Variants in COMMD6 observed in about 807,000 individuals in gnomAD.
COMMD6 encodes the protein COMM domain-containing protein 6.
A neutral mutation model predicts 13.4 loss-of-function variants in COMMD6; 11 were observed. The ratio of observed to expected loss-of-function variants is 0.82; its 90% CI spans 0.52 to 1.36. The LOEUF (loss-of-function observed/expected upper bound fraction) is 1.36. Ranked by LOEUF, COMMD6 falls within the 40% of genes most tolerant of loss-of-function variation. The probability of loss-of-function intolerance (pLI) is 0.00; values close to 1 mark genes in which losing one functional copy is unlikely to be tolerated. For synonymous variants in COMMD6, 43 were observed against 36.5 expected, an observed-to-expected ratio of 1.18 and a Z score of -0.64; for missense variants, 124 against 102.4, an observed-to-expected ratio of 1.21 and a Z score of -0.91.
intron 1 of COMMD6, among the ~76,000 whole-genome samples, chr13:75,544,707 G>A (rs2030876224): frequency 6.6e-6 from 1 of 152,078 alleles, no homozygotes; most frequent in South Asian, 2.1e-4. Flanking sequence ...AGGTTGCAGT[G>A]AGCAGAGATC....
At chr13:75,537,165 T>G (rs545765161) in intron 2 of COMMD6, among the ~76,000 whole-genome samples, 1 of 152,236 alleles carries the variant, frequency 6.6e-6, no homozygotes, top group Admixed American at 6.5e-5. Flanking sequence ...TGCCTACAAA[T>G]AGTTTATTGG....
intron 2 of COMMD6, among the ~76,000 whole-genome samples, chr13:75,534,928 A>T (rs2030610725): frequency 1.3e-5 from 2 of 152,218 alleles, no homozygotes; most frequent in Admixed American, 1.3e-4. Context: ...ATATTCTAGG[A>T]ATTAGGGATG....
At position 75,529,133 on chromosome 13, in the gene COMMD6, C is replaced by G. The variant is rs57950752; in HGVS notation, c.207+981G>C. 6.0e-3 allele frequency among the ~76,000 whole-genome samples: 911 copies of G among 152,226 alleles called. 7 individuals carry two copies. Among genetic ancestry groups the G allele is most frequent in the African/African-American group, 0.02 (850 of 41,520 alleles). ...CTAGTGTAAGTGCTAAGAATAGATTCCTACCTATTCATACCAAAAGGAACA... is the reference window on the plus strand; with the variant it reads ...CTAGTGTAAGTGCTAAGAATAGATTGCTACCTATTCATACCAAAAGGAACA... On this transcript the variant is annotated intron_variant, in intron 3 of 3. Transcript: ENST00000682242.
At chr13:75,549,182 G>A (rs149834078) in intron 1 of COMMD6, 1 of 152,950 alleles carries the variant, frequency 6.5e-6, no homozygotes, top group Non-Finnish European at 1.5e-5. Flanking sequence ...TCAACTTTGT[G>A]TCAATACTTA....
At chr13:75,533,227 C>T (rs999359458) in intron 2 of COMMD6, among the ~76,000 whole-genome samples, 1 of 151,782 alleles carries the variant, frequency 6.6e-6, no homozygotes, top group Non-Finnish European at 1.5e-5. Context: ...CCATCGCACC[C>T]GGCCGAAAGT....
At chr13:75,540,337 CA>C (rs1566201687), upstream of COMMD6, among the ~76,000 whole-genome samples, 163 of 98,918 alleles carry the variant, frequency 1.6e-3, no homozygotes, top group African/African-American at 6.6e-3. Context: ...CACACACACA[CA>C]CACACCCACA....
In COMMD6 at chr13:75,537,837, G is replaced by C. The variant is rs1256389136; in HGVS notation, c.-32C>G. Reference sequence around the variant, plus strand: ...CGTCTGGGACTTGCGGCCCGGACTCGAGAGAACGCCCCCAGACCAGCGCTT... The same window carrying C: ...CGTCTGGGACTTGCGGCCCGGACTCCAGAGAACGCCCCCAGACCAGCGCTT... On this transcript the variant is annotated 5_prime_UTR_variant, in exon 1 of 4. Transcript: ENST00000682242. 7 of 1,573,576 alleles carry C rather than the reference G, an allele frequency of 4.4e-6. No homozygotes were observed. Among genetic ancestry groups the C allele is most frequent in the East Asian group, 2.3e-5 (1 of 44,432 alleles).
intron 2 of COMMD6, among the ~76,000 whole-genome samples, chr13:75,531,521 G>GT (rs397694570): frequency 1.3e-5 from 2 of 148,516 alleles, no homozygotes; most frequent in Non-Finnish European, 3.0e-5. Flanking sequence ...TCTTTTATAA[G>GT]AAGATTGAAT....
At chr13:75,548,648 G>T (rs1024924759) in intron 1 of COMMD6, among the ~76,000 whole-genome samples, 5 of 152,028 alleles carry the variant, frequency 3.3e-5, no homozygotes, top group Non-Finnish European at 7.4e-5. Flanking sequence ...TCACATTATT[G>T]ACAAGTGATG....
At chr13:75,537,257 A>C (rs911690474) in intron 2 of COMMD6, 1 of 1,415,464 alleles carries the variant, frequency 7.1e-7, no homozygotes, top group Non-Finnish European at 9.5e-7. Context: ...TAGCATTATA[A>C]ATGCATACTC....
At chr13:75,527,542 C>T (rs962906244) in intron 3 of COMMD6, among the ~76,000 whole-genome samples, 1 of 152,048 alleles carries the variant, frequency 6.6e-6, no homozygotes, top group South Asian at 2.1e-4. Context: ...TGTAAAAACT[C>T]TCTTTAAAAG....
chr13:75,545,827 T>C (rs578150182), intron 1 of COMMD6, among the ~76,000 whole-genome samples: 1 of 152,292 alleles, frequency 6.6e-6, no homozygotes, highest in African/African-American at 2.4e-5. Context: ...CTCAGTTGTT[T>C]TTGCAGGTGC....
At chr13:75,530,092 C>T (rs375668976) in intron 3 of COMMD6, 22 bp downstream of exon 3, 8 of 1,590,374 alleles carry the variant, frequency 5.0e-6, no homozygotes, top group Non-Finnish European at 6.9e-6. Flanking sequence ...TGAGCTAAAA[C>T]TGGATGAGTT....
At chr13:75,527,854 G>A (rs780109778) in intron 3 of COMMD6, 49 of 1,501,794 alleles carry the variant, frequency 3.3e-5, no homozygotes, top group Non-Finnish European at 4.2e-5. Flanking sequence ...AGCTGAGGCT[G>A]GGGGTCAATG....
At chr13:75,528,629 G>T (rs1009960534) in intron 3 of COMMD6, among the ~76,000 whole-genome samples, 1 of 152,100 alleles carries the variant, frequency 6.6e-6, no homozygotes, top group Admixed American at 6.5e-5. Flanking sequence ...ATCAACTGAG[G>T]TCAGGAGTTT....
upstream of COMMD6, among the ~76,000 whole-genome samples, chr13:75,541,877 G>C (rs1341962691): frequency 2.6e-5 from 4 of 152,130 alleles, no homozygotes; most frequent in Non-Finnish European, 5.9e-5. Flanking sequence ...ATATGTTATG[G>C]TGCATGTTTA....
At chr13:75,540,344 C>CACCCA (rs1593961926), upstream of COMMD6, among the ~76,000 whole-genome samples, 2 of 147,380 alleles carry the variant, frequency 1.4e-5, no homozygotes, top group East Asian at 4.0e-4. Flanking sequence ...ACACACACAC[C>CACCCA]CACACACACA....
chr13:75,538,290 T>C (rs1161135504), upstream of COMMD6, among the ~76,000 whole-genome samples: 4 of 152,218 alleles, frequency 2.6e-5, no homozygotes, highest in Non-Finnish European at 5.9e-5. Context: ...GGGCATGCTT[T>C]CCATTATCCC....
chr13:75,527,121 G>A (rs955609469), intron 3 of COMMD6, among the ~76,000 whole-genome samples: 1 of 152,136 alleles, frequency 6.6e-6, no homozygotes, highest in Non-Finnish European at 1.5e-5. Flanking sequence ...TAAAAATTAA[G>A]CTGGTATAAC....
Sources: gnomAD v4.1 joint callset for allele counts (sites outside exome capture counted in the v4.1 genomes callset) on GRCh38, gnomAD v4.1.1 for gene constraint, MANE v1.5 for transcripts, NCBI Gene and HGNC (gene_info 2026-07-23, HGNC 2026-07-21) for gene names.